ARFGEF1: variants seen among roughly 807,000 people sequenced by gnomAD.
ARFGEF1 encodes the protein brefeldin A-inhibited guanine nucleotide-exchange protein 1.
Under a neutral mutation model 231.0 loss-of-function variants are expected in ARFGEF1, and 42 were observed. The observed-to-expected ratio is 0.18, with a 90% CI of 0.14 to 0.24. The LOEUF (loss-of-function observed/expected upper bound fraction) is 0.24, where lower values mean the gene tolerates loss of function less well. Among genes scored for constraint, ARFGEF1 ranks in the 10% least tolerant of loss-of-function variants. The probability of loss-of-function intolerance (pLI) is 1.00; values close to 1 mark genes in which losing one functional copy is unlikely to be tolerated. For missense variants in ARFGEF1, 1,345 were observed against 2,192.0 expected, an observed-to-expected ratio of 0.61 and a Z score of 7.72; for synonymous variants, 710 against 732.3, an observed-to-expected ratio of 0.97 and a Z score of 0.49.
intron 30 of ARFGEF1, among the ~76,000 whole-genome samples, chr8:67,219,022 A>G (rs1031936013): frequency 1.3e-5 from 2 of 152,162 alleles, no homozygotes; most frequent in Non-Finnish European, 2.9e-5. Context: ...GCTGCAGTGC[A>G]GTGGCGCGAT....
Position 67,238,768 on chromosome 8 carries a change from T to G in ARFGEF1, c.3105A>C (p.Thr1035=). Residue 1035 remains threonine (T), a synonymous_variant, in exon 21 of 39, where the codon ACA becomes ACC. Transcript: ENST00000262215. The part of the protein sequence containing the change: ...TIKTLITVAH[T]DGNYLGNSWH... ...ATGAATTTCCTAAATAATTTCCATC[T>G]GTATGAGCCACTGTGATAAGTGTTT... 1 of 1,613,766 alleles carries G rather than the reference T, an allele frequency of 6.2e-7. No homozygotes were observed. The highest frequency in any genetic ancestry group is 1.3e-5 in the African/African-American group (1 of 75,030).
chr8:67,311,001 G>A (rs1417115968), intron 1 of ARFGEF1, among the ~76,000 whole-genome samples: 5 of 140,532 alleles, frequency 3.6e-5, no homozygotes, highest in South Asian at 2.3e-4. Context: ...TCAGCCCCCC[G>A]CCCGGCCAGC....
At chr8:67,290,041 T>C (rs1805941128) in intron 6 of ARFGEF1, among the ~76,000 whole-genome samples, 1 of 152,202 alleles carries the variant, frequency 6.6e-6, no homozygotes, top group African/African-American at 2.4e-5. Context: ...AGTTAACTAT[T>C]ATGTCCAAAG....
intron 1 of ARFGEF1, among the ~76,000 whole-genome samples, chr8:67,330,462 T>C (rs185496718): frequency 3.9e-5 from 6 of 152,284 alleles, no homozygotes; most frequent in Admixed American, 2.6e-4. Flanking sequence ...ACTTCATTTA[T>C]TCAAACACAC....
chr8:67,319,866 T>C (rs1469532884), intron 1 of ARFGEF1, among the ~76,000 whole-genome samples: 1 of 152,080 alleles, frequency 6.6e-6, no homozygotes, highest in African/African-American at 2.4e-5. Flanking sequence ...CGAAATTTTT[T>C]AATGGGCAAA....
chr8:67,228,498 G>T (rs1839451796), intron 23 of ARFGEF1, among the ~76,000 whole-genome samples: 1 of 151,812 alleles, frequency 6.6e-6, no homozygotes, highest in Admixed American at 6.6e-5. Flanking sequence ...TATTATTAGG[G>T]TAAGTATATA....
chr8:67,238,919 A>G (rs201085927), intron 20 of ARFGEF1, 26 bp from the exon 21 acceptor site: 319 of 1,603,300 alleles, frequency 2.0e-4, no homozygotes, highest in Non-Finnish European at 2.5e-4. Context: ...AAGTATGTTT[A>G]CACAGTTCTA....
chr8:67,305,593 CGCCTCA>C (rs1228565597), intron 1 of ARFGEF1, among the ~76,000 whole-genome samples: 2 of 152,068 alleles, frequency 1.3e-5, no homozygotes, highest in Non-Finnish European at 2.9e-5. Context: ...GTGATCAGCC[CGCCTCA>C]GCCTCCCAAA....
chr8:67,322,563 T>A (rs1807646032), intron 1 of ARFGEF1, among the ~76,000 whole-genome samples: 1 of 152,180 alleles, frequency 6.6e-6, no homozygotes, highest in Non-Finnish European at 1.5e-5. Context: ...TAGCCAGGCA[T>A]GATGGCATGT....
chr8:67,337,477 A>G (rs1808403359), intron 1 of ARFGEF1, among the ~76,000 whole-genome samples: 1 of 152,084 alleles, frequency 6.6e-6, no homozygotes, highest in Non-Finnish European at 1.5e-5. Flanking sequence ...CCACCAACTT[A>G]GCCTAAGTCC....
intron 17 of ARFGEF1, among the ~76,000 whole-genome samples, chr8:67,254,483 A>C (rs1367053126): frequency 1.3e-5 from 2 of 152,168 alleles, no homozygotes; most frequent in East Asian, 3.8e-4. Flanking sequence ...AATTCCTGTA[A>C]ATTTACATGA....
Position 67,257,718 on chromosome 8 carries a change from A to G in ARFGEF1, c.2526+14T>C, listed in dbSNP as rs543345874. The G allele has an allele frequency of 1.3e-6, 2 of 1,567,028 alleles. No homozygotes were observed. Among genetic ancestry groups the G allele is most frequent in the South Asian group, 1.2e-5 (1 of 86,246 alleles). On this transcript the variant is annotated intron_variant, in intron 17 of 38. Transcript: ENST00000262215. ...GTACCGCTTATTGTAAAACTGACTT[A>G]AAAGAAAACATACCTGTGGACTGTG... is the stretch of plus-strand genomic sequence containing the variant.
chr8:67,322,734 GAA>G (rs1352161330), intron 1 of ARFGEF1, among the ~76,000 whole-genome samples: 2 of 152,110 alleles, frequency 1.3e-5, no homozygotes, highest in African/African-American at 4.8e-5. Context: ...TGTCTTTACC[GAA>G]AAGTCTTCTC....
At chr8:67,219,340 G>A in intron 30 of ARFGEF1, 91 bp downstream of exon 30, 1 of 1,414,302 alleles carries the variant, frequency 7.1e-7, no homozygotes, top group South Asian at 1.5e-5. Context: ...ATTCTTTTCT[G>A]TACTTAATTT....
chr8:67,177,222 AG>A, intron 5 of ARFGEF1, among the ~76,000 whole-genome samples: 1 of 152,224 alleles, frequency 6.6e-6, no homozygotes, highest in Non-Finnish European at 1.5e-5. Context: ...TACTATTCAC[AG>A]GAACACATAG....
chr8:67,340,472 T>C (rs560372759), intron 1 of ARFGEF1, among the ~76,000 whole-genome samples: 62 of 152,338 alleles, frequency 4.1e-4, no homozygotes, highest in African/African-American at 1.4e-3. Flanking sequence ...CAGGTCTCAA[T>C]AGTGAAGTGG....
At chr8:67,333,471 AAT>A (rs1491106776) in intron 1 of ARFGEF1, among the ~76,000 whole-genome samples, 1 of 151,358 alleles carries the variant, frequency 6.6e-6, no homozygotes, top group African/African-American at 2.4e-5. Context: ...CACACCCAGT[AAT>A]TTTTTTTTTT....
intron 33 of ARFGEF1, among the ~76,000 whole-genome samples, chr8:67,213,788 GAAC>G (rs1047645242): frequency 5.3e-5 from 8 of 152,320 alleles, no homozygotes; most frequent in African/African-American, 1.9e-4. Context: ...TCCCGCCTGT[GAAC>G]TGCAGCTTCA....
chr8:67,267,456 A>G lies in ARFGEF1; in HGVS notation c.1573-14T>C, dbSNP rs1398866573. On this transcript the variant is annotated splice_polypyrimidine_tract_variant and intron_variant, in intron 10 of 38. Transcript: ENST00000262215. ...TTTAAAGAACACCTGTGATTAGGAG[A>G]AAACTTCTGTTTAAAATATTGTTTA... The G allele has an allele frequency of 2.7e-6, 4 of 1,479,132 alleles. No individual in the cohort carries two copies. Among genetic ancestry groups the G allele is most frequent in the Non-Finnish European group, 3.8e-6 (4 of 1,065,562 alleles). The allele number at this position is 1,479,132 out of a possible 1,614,324, so 91.6% of individuals were successfully genotyped here. A position where few individuals can be genotyped will look rare whatever the true frequency, so the allele number is the denominator to read the frequency against.
Sources: allele counts gnomAD v4.1 joint callset (sites outside exome capture counted in the v4.1 genomes callset), GRCh38; gene constraint gnomAD v4.1.1; transcripts MANE v1.5; gene names NCBI Gene and HGNC (gene_info 2026-07-23, HGNC 2026-07-21).